CNTNAP2: variants seen among roughly 807,000 people sequenced by gnomAD.
CNTNAP2 encodes the protein contactin-associated protein-like 2.
Under a neutral mutation model 155.2 loss-of-function variants are expected in CNTNAP2, and 98 were observed. The observed-to-expected ratio is 0.63, with a 90% CI of 0.54 to 0.75. The LOEUF (loss-of-function observed/expected upper bound fraction) is 0.75, where lower values mean the gene tolerates loss of function less well. Ranked by LOEUF, CNTNAP2 falls within the 30% of genes least tolerant of loss-of-function variation. The pLI, the probability that CNTNAP2 is intolerant of heterozygous loss-of-function variation, is 0.00. For missense variants in CNTNAP2, 1,727 were observed against 1,688.1 expected (o/e 1.02, Z -0.40); for synonymous variants, 651 against 631.2 (o/e 1.03, Z -0.47).
At chr7:148,155,184 C>T (rs932860939) in intron 17 of CNTNAP2, among the ~76,000 whole-genome samples, 2 of 152,140 alleles carry the variant, frequency 1.3e-5, no homozygotes, top group African/African-American at 4.8e-5. Context: ...TACCGAAGGT[C>T]GTGCATTTAG....
At chr7:147,215,141 G>A (rs947499211) in intron 8 of CNTNAP2, among the ~76,000 whole-genome samples, 2 of 152,030 alleles carry the variant, frequency 1.3e-5, no homozygotes, top group Non-Finnish European at 2.9e-5. Flanking sequence ...GGGACCCAGA[G>A]CAAATTATAT....
chr7:146,425,623 T>C (rs936356989), intron 1 of CNTNAP2, among the ~76,000 whole-genome samples: 1 of 152,194 alleles, frequency 6.6e-6, no homozygotes, highest in Admixed American at 6.5e-5. Context: ...TATTTTCTTA[T>C]ATCTGAAGAC....
intron 3 of CNTNAP2, among the ~76,000 whole-genome samples, chr7:146,980,138 G>A (rs562491957): frequency 2.6e-5 from 4 of 152,012 alleles, no homozygotes; most frequent in Non-Finnish European, 4.4e-5. Flanking sequence ...AGGCAGAGGA[G>A]GATGAAAATG....
chr7:147,333,505 A>G (rs565627716), intron 9 of CNTNAP2, among the ~76,000 whole-genome samples: 2 of 152,342 alleles, frequency 1.3e-5, no homozygotes, highest in African/African-American at 4.8e-5. Context: ...ATCCTTTTAA[A>G]CAACTTTCTA....
rs375852969 is a variant in CNTNAP2, at chr7:146,488,859, A to G, written c.98-285412A>G. 1.2e-3 allele frequency among the ~76,000 whole-genome samples: 180 copies of G among 152,236 alleles called. 5 individuals carry two copies. The South Asian group carries it at 0.035, about 29-fold the overall frequency. Reference sequence around the variant, plus strand: ...TAGCCTCAAACTCCTGGGCTCAAGCAATCCTCCTCCTTGGCCTACCAAACT... The same window carrying G: ...TAGCCTCAAACTCCTGGGCTCAAGCGATCCTCCTCCTTGGCCTACCAAACT... On this transcript the variant is annotated intron_variant, in intron 1 of 23. Coordinates refer to ENST00000361727, the MANE Select transcript of CNTNAP2 (RefSeq NM_014141.6).
At chr7:146,854,296 G>C (rs1007781141) in intron 3 of CNTNAP2, among the ~76,000 whole-genome samples, 4 of 152,176 alleles carry the variant, frequency 2.6e-5, no homozygotes, top group African/African-American at 7.2e-5. Flanking sequence ...TAGAAGTGTT[G>C]ATAATTCTTT....
intron 8 of CNTNAP2, among the ~76,000 whole-genome samples, chr7:147,221,679 G>A (rs1264289995): frequency 6.6e-6 from 1 of 152,118 alleles, no homozygotes; most frequent in Non-Finnish European, 1.5e-5. Flanking sequence ...CTTCTTCTTT[G>A]ATGCTCTTCC....
intron 3 of CNTNAP2, among the ~76,000 whole-genome samples, chr7:146,887,877 G>T (rs1386418384): frequency 6.6e-6 from 1 of 152,056 alleles, no homozygotes; most frequent in African/African-American, 2.4e-5. Context: ...TAGTCAAAAA[G>T]AATTTATCTA....
intron 13 of CNTNAP2, among the ~76,000 whole-genome samples, chr7:147,688,311 T>A (rs895028666): frequency 9.2e-5 from 14 of 151,480 alleles, no homozygotes; most frequent in African/African-American, 3.4e-4. Context: ...AAAGCAAAGC[T>A]AAAAATAGCA....
At chr7:148,128,847 A>G (rs551369923) in intron 16 of CNTNAP2, among the ~76,000 whole-genome samples, 2 of 152,268 alleles carry the variant, frequency 1.3e-5, no homozygotes, top group South Asian at 4.1e-4. Context: ...ACTACACTTC[A>G]GAGGTGGCTT....
chr7:147,240,673 C>T (rs1490473707), intron 8 of CNTNAP2, among the ~76,000 whole-genome samples: 1 of 152,128 alleles, frequency 6.6e-6, no homozygotes, highest in Non-Finnish European at 1.5e-5. Flanking sequence ...TCTGCAGTTA[C>T]GGAGCCCACA....
chr7:146,797,821 C>T (rs537645654), intron 2 of CNTNAP2, among the ~76,000 whole-genome samples: 1 of 152,324 alleles, frequency 6.6e-6, no homozygotes, highest in East Asian at 1.9e-4. Flanking sequence ...TCATCTCTTT[C>T]TCTGTCACTG....
At chr7:147,015,293 T>G (rs1168854773) in intron 3 of CNTNAP2, among the ~76,000 whole-genome samples, 7 of 152,146 alleles carry the variant, frequency 4.6e-5, no homozygotes, top group Admixed American at 2.0e-4. Context: ...AGAGTAGGGT[T>G]ACTGGGGGAA....
intron 13 of CNTNAP2, among the ~76,000 whole-genome samples, chr7:147,873,324 C>T (rs1799360704): frequency 6.6e-6 from 1 of 152,008 alleles, no homozygotes; most frequent in Non-Finnish European, 1.5e-5. Flanking sequence ...AAGGACATAC[C>T]TAAGACTGGG....
chr7:147,760,993 A>G (rs768246193), intron 13 of CNTNAP2, among the ~76,000 whole-genome samples: 1 of 152,212 alleles, frequency 6.6e-6, no homozygotes, highest in Non-Finnish European at 1.5e-5. Flanking sequence ...TAACTAGCAC[A>G]CAGAAGAAGA....
chr7:148,220,953 G>T (rs569449372), intron 19 of CNTNAP2, among the ~76,000 whole-genome samples: 1 of 152,052 alleles, frequency 6.6e-6, no homozygotes, highest in Non-Finnish European at 1.5e-5. Context: ...CAGGAGGAGG[G>T]CTCTCACCCA....
intron 1 of CNTNAP2, among the ~76,000 whole-genome samples, chr7:146,548,537 G>T (rs969297602): frequency 2.6e-5 from 4 of 151,994 alleles, no homozygotes; most frequent in Non-Finnish European, 5.9e-5. Context: ...CATCCTGAGA[G>T]AAATGAGGTG....
chr7:148,055,481 T>C (rs1218222823), intron 15 of CNTNAP2, among the ~76,000 whole-genome samples: 2 of 152,198 alleles, frequency 1.3e-5, no homozygotes, highest in East Asian at 1.9e-4. Context: ...ATTTACCAAA[T>C]CTGTGACCTC....
At chr7:146,580,507 T>C (rs1422091203) in intron 1 of CNTNAP2, among the ~76,000 whole-genome samples, 1 of 151,126 alleles carries the variant, frequency 6.6e-6, no homozygotes, top group Non-Finnish European at 1.5e-5. Context: ...ATTTAGTAAG[T>C]ACTTCGGCAA....
Sources: gnomAD v4.1 joint callset for allele counts (sites outside exome capture counted in the v4.1 genomes callset) on GRCh38, gnomAD v4.1.1 for gene constraint, MANE v1.5 for transcripts, NCBI Gene and HGNC (gene_info 2026-07-23, HGNC 2026-07-21) for gene names.